Variants in MTHFD1L observed in about 807,000 individuals in gnomAD.
MTHFD1L encodes methylenetetrahydrofolate dehydrogenase (NADP+ dependent) 1 like, also known as monofunctional C1-tetrahydrofolate synthase, mitochondrial.
A neutral mutation model predicts 119.5 loss-of-function variants in MTHFD1L; 81 were observed. The ratio of observed to expected loss-of-function variants is 0.68; its 90% CI spans 0.57 to 0.82. The LOEUF is 0.82. MTHFD1L is among the 40% of genes least tolerant of loss of function. The pLI, the probability that MTHFD1L is intolerant of heterozygous loss-of-function variation, is 0.00. For synonymous variants in MTHFD1L, 430 were observed against 475.2 expected (o/e 0.90, Z 1.24); for missense variants, 1,125 against 1,253.4 (o/e 0.90, Z 1.55).
intron 1 of MTHFD1L, among the ~76,000 whole-genome samples, chr6:150,867,668 C>G (rs113019624): frequency 6.6e-6 from 1 of 152,146 alleles, no homozygotes; most frequent in African/African-American, 2.4e-5. Flanking sequence ...ATGAGACAGC[C>G]GTCTCTTCGG....
intron 17 of MTHFD1L, among the ~76,000 whole-genome samples, chr6:150,959,807 T>A (rs929454361): frequency 6.6e-6 from 1 of 152,218 alleles, no homozygotes; most frequent in Non-Finnish European, 1.5e-5. Flanking sequence ...ATTCATCTGA[T>A]GCATATTGTA....
chr6:150,903,207 T>A (rs397887608), intron 7 of MTHFD1L, among the ~76,000 whole-genome samples: 2 of 92,812 alleles, frequency 2.2e-5, no homozygotes, highest in East Asian at 3.3e-4. Flanking sequence ...TGCAAAATTT[T>A]TTTTTTTTTT....
At chr6:150,966,009 G>C (rs536104639) in intron 19 of MTHFD1L, among the ~76,000 whole-genome samples, 55 of 152,284 alleles carry the variant, frequency 3.6e-4, no homozygotes, top group African/African-American at 1.3e-3. Flanking sequence ...GTAAACCAAG[G>C]GGGTGAGCCA....
rs926887659 is a variant in MTHFD1L at position 151,098,180 on chromosome 6, A to T, written c.*32-3346A>T. 4.6e-5 allele frequency among the ~76,000 whole-genome samples: 7 copies of T among 152,226 alleles called. No homozygotes were observed. In the East Asian group the frequency reaches 1.3e-3, roughly 29 times the overall value. On this transcript the variant is annotated intron_variant, in intron 27 of 27. Transcript: ENST00000367321. The stretch of plus-strand genomic sequence containing the variant: ...CAGAGCAAGACTCGGTCTCAAAAAT[A>T]TATATAATGTATCAATACAAGGGAA...
chr6:150,962,801 T>G (rs1249654273), intron 18 of MTHFD1L, among the ~76,000 whole-genome samples: 1 of 152,216 alleles, frequency 6.6e-6, no homozygotes, highest in Non-Finnish European at 1.5e-5. Context: ...GCAAGGATAG[T>G]GTACAGAGAA....
At chr6:151,091,236 G>A (rs112547465) in intron 26 of MTHFD1L, among the ~76,000 whole-genome samples, 6,078 of 140,068 alleles carry the variant, frequency 0.043, 631 homozygotes, top group African/African-American at 0.16. Context: ...GTGACTGGGT[G>A]CAGCATCGTT....
intron 19 of MTHFD1L, among the ~76,000 whole-genome samples, chr6:150,965,332 T>A (rs1183604693): frequency 2.0e-5 from 3 of 152,156 alleles, no homozygotes; most frequent in African/African-American, 7.2e-5. Flanking sequence ...ATAAGTCATG[T>A]CTTGGCTTAA....
chr6:151,067,453 AGCTGGGATTCCAGGTGT>A (rs896157313), intron 26 of MTHFD1L, among the ~76,000 whole-genome samples: 1 of 151,830 alleles, frequency 6.6e-6, no homozygotes, highest in African/African-American at 2.4e-5. Flanking sequence ...CCTCCTGTGT[AGCTGGGATTCCAGGTGT>A]GCGCCACCAC....
chr6:151,010,795 T>A (rs1782101319), intron 21 of MTHFD1L, among the ~76,000 whole-genome samples: 1 of 152,216 alleles, frequency 6.6e-6, no homozygotes, highest in Non-Finnish European at 1.5e-5. Flanking sequence ...TATCATAATA[T>A]TCACATATGA....
chr6:150,893,663 G>A (rs1475123841), intron 7 of MTHFD1L, among the ~76,000 whole-genome samples: 1 of 152,126 alleles, frequency 6.6e-6, no homozygotes, highest in Non-Finnish European at 1.5e-5. Context: ...CGGTGTGACT[G>A]TGTAACACTA....
At chr6:151,066,416 C>T (rs560459595) in intron 26 of MTHFD1L, among the ~76,000 whole-genome samples, 67 of 115,540 alleles carry the variant, frequency 5.8e-4, no homozygotes, top group African/African-American at 8.1e-4. Flanking sequence ...CCAGCCTGGG[C>T]GACAGAGCAA....
chr6:151,002,809 G>A (rs181668966), intron 20 of MTHFD1L, among the ~76,000 whole-genome samples: 24 of 152,282 alleles, frequency 1.6e-4, no homozygotes, highest in African/African-American at 5.3e-4. Context: ...TCTAGAAAGC[G>A]CCAGGCTCCT....
intron 8 of MTHFD1L, among the ~76,000 whole-genome samples, chr6:150,911,908 A>T (rs949622098): frequency 1.3e-5 from 2 of 152,202 alleles, no homozygotes; most frequent in African/African-American, 4.8e-5. Context: ...CACCCCCATG[A>T]TTCAAATTAT....
At chr6:151,101,220 C>T (rs1795344585) in intron 27 of MTHFD1L, among the ~76,000 whole-genome samples, 1 of 152,142 alleles carries the variant, frequency 6.6e-6, no homozygotes, top group Admixed American at 6.5e-5. Flanking sequence ...ATCCTGCAAA[C>T]TGTAGATCCC....
intron 1 of MTHFD1L, among the ~76,000 whole-genome samples, chr6:150,871,582 A>G (rs1583292725): frequency 1.4e-5 from 2 of 144,936 alleles, no homozygotes; most frequent in Non-Finnish European, 3.0e-5. Flanking sequence ...GCTCGCTGGA[A>G]CCTCCGCCTC....
intron 26 of MTHFD1L, among the ~76,000 whole-genome samples, chr6:151,044,941 C>T (rs889082871): frequency 6.6e-6 from 1 of 152,236 alleles, no homozygotes; most frequent in African/African-American, 2.4e-5. Context: ...TGCTCTTTCT[C>T]ACGTTTCAGT....
intron 12 of MTHFD1L, 124 bp from the exon 13 acceptor site, chr6:150,938,575 T>G: frequency 2.1e-6 from 2 of 949,296 alleles, no homozygotes; most frequent in Non-Finnish European, 3.3e-6. Flanking sequence ...CACTGCCTTT[T>G]GTTACTTCAT....
Position 151,037,107 on chromosome 6 carries a change from T to G in MTHFD1L, c.2837T>G (p.Leu946Trp). Residue 946 changes from leucine (L) to tryptophan (W), a missense_variant, in exon 26 of 28, where the codon TTG becomes TGG. By Grantham distance (61) the Leu-to-Trp change is moderately conservative. Coordinates refer to ENST00000367321, the MANE Select transcript of MTHFD1L (RefSeq NM_015440.5). ...ATAGGCGCTGGGTTCATTTACCCTT[T>G]GGTCGGAACGGTGAGTGAGTCACAT... ...ASIGAGFIYPLVGTMSTMPGL... is the reference protein window; with the variant it reads ...ASIGAGFIYPWVGTMSTMPGL... 1 of 1,612,038 alleles carries G rather than the reference T, an allele frequency of 6.2e-7. No individual in the cohort carries two copies. Among genetic ancestry groups the G allele is most frequent in the South Asian group, 1.1e-5 (1 of 90,996 alleles).
At chr6:151,009,230 C>G (rs996534443) in intron 20 of MTHFD1L, among the ~76,000 whole-genome samples, 8 of 151,674 alleles carry the variant, frequency 5.3e-5, no homozygotes, top group African/African-American at 1.9e-4. Flanking sequence ...AAATCCCCAT[C>G]TGTATGAAGA....
Sources: allele counts gnomAD v4.1 joint callset (sites outside exome capture counted in the v4.1 genomes callset), GRCh38; gene constraint gnomAD v4.1.1; transcripts MANE v1.5; gene names NCBI Gene and HGNC (gene_info 2026-07-23, HGNC 2026-07-21).